Variants in KLHDC4 observed in about 807,000 individuals in gnomAD.
The protein encoded by KLHDC4 is kelch domain containing 4.
KLHDC4 carries 90 observed loss-of-function variants against 62.4 expected under a neutral mutation model. The ratio of observed to expected loss-of-function variants is 1.44; its 90% CI spans 1.22 to 1.72. The LOEUF is 1.72. KLHDC4 is among the 40% of genes most tolerant of loss of function. KLHDC4 has a pLI of 0.00. For synonymous variants in KLHDC4, 386 were observed against 284.4 expected, an observed-to-expected ratio of 1.36 and a Z score of -3.59; for missense variants, 1,025 against 699.7, an observed-to-expected ratio of 1.47 and a Z score of -5.25.
downstream of KLHDC4, among the ~76,000 whole-genome samples, chr16:87,706,706 G>C (rs2034776882): frequency 6.6e-6 from 1 of 152,234 alleles, no homozygotes; most frequent in Non-Finnish European, 1.5e-5. Context: ...GAGGCCTCCT[G>C]AACACCCGGC....
chr16:87,752,087 CTCAAAAAAAAAAAAAAA>C (rs1480627748), intron 4 of KLHDC4, among the ~76,000 whole-genome samples: 2 of 10,710 alleles, frequency 1.9e-4, no homozygotes, highest in African/African-American at 5.6e-4. Flanking sequence ...GAGACTTTGT[CTCAAAAAAAAAAAAAAA>C]AAAAAAAAAA....
rs1481475336 is a variant in KLHDC4, at chr16:87,749,925, G to C, written c.370-1116C>G. ...AATAAAGACTCAGCACCACAGTAAAGGTGAAGGAGCGCAGCGGGAGTGATG... is the reference window on the plus strand; with the variant it reads ...AATAAAGACTCAGCACCACAGTAAACGTGAAGGAGCGCAGCGGGAGTGATG... On this transcript the variant is annotated intron_variant, in intron 4 of 11. Coordinates refer to ENST00000270583, the MANE Select transcript of KLHDC4 (RefSeq NM_017566.4). Among the ~76,000 whole-genome samples, 2 of 152,234 alleles carry C rather than the reference G, an allele frequency of 1.3e-5. 1 individual carries two copies. Among genetic ancestry groups the C allele is most frequent in the Middle Eastern group, 6.3e-3 (2 of 316 alleles).
intron 4 of KLHDC4, among the ~76,000 whole-genome samples, chr16:87,752,027 T>C (rs1180912827): frequency 6.8e-5 from 9 of 131,856 alleles, no homozygotes; most frequent in African/African-American, 2.6e-4. Flanking sequence ...GAGGCGGAGG[T>C]TGCAGTGAGC....
rs753963965 is a variant in KLHDC4, at chr16:87,754,567, G to A, written c.369+627C>T. Among the ~76,000 whole-genome samples, 61 of 152,330 alleles carry A rather than the reference G, an allele frequency of 4.0e-4. 1 individual carries two copies. The highest frequency in any genetic ancestry group is 7.5e-4 in the Non-Finnish European group (51 of 68,032). On this transcript the variant is annotated intron_variant, in intron 4 of 11. Transcript: ENST00000270583. ...GTATCATGCTGTGGTCACCTGATGC[G>A]TTGATCTTTCTCTGCACTGGAGAGG...
At chr16:87,704,317 G>A (rs943159676), downstream of KLHDC4, among the ~76,000 whole-genome samples, 4 of 149,154 alleles carry the variant, frequency 2.7e-5, no homozygotes, top group Admixed American at 6.7e-5. Flanking sequence ...GGGGAAGGAG[G>A]CGCCTGGGGA....
intron 4 of KLHDC4, among the ~76,000 whole-genome samples, chr16:87,753,093 CA>C (rs1238890634): frequency 6.6e-6 from 1 of 152,136 alleles, no homozygotes; most frequent in Non-Finnish European, 1.5e-5. Flanking sequence ...GCTGAGGAGA[CA>C]AGGACTGGAG....
chr16:87,751,811 C>T (rs2043992661), intron 4 of KLHDC4, among the ~76,000 whole-genome samples: 2 of 151,974 alleles, frequency 1.3e-5, no homozygotes, highest in South Asian at 2.1e-4. Context: ...CGGTGGCTCA[C>T]GCCTGTAATC....
intron 2 of KLHDC4, among the ~76,000 whole-genome samples, chr16:87,756,958 T>G (rs1002058239): frequency 2.6e-5 from 4 of 151,824 alleles, no homozygotes; most frequent in Non-Finnish European, 4.4e-5. Context: ...GGATTGCAGG[T>G]GCCCACCACC....
rs758222426 is a variant in KLHDC4, at chr16:87,708,463, G to A, written c.1451C>T (p.Thr484Ile). 1.2e-6 allele frequency: 2 copies of A among 1,600,510 alleles called. No individual in the cohort carries two copies. The highest frequency in any genetic ancestry group is 1.7e-5 in the Admixed American group (1 of 58,004). Residue 484 changes from threonine (T) to isoleucine (I), a missense_variant, in exon 11 of 12, where the codon ACT (threonine) becomes ATT (isoleucine). By Grantham distance (89) the Thr-to-Ile change is moderately conservative. Coordinates refer to ENST00000270583, the MANE Select transcript of KLHDC4 (RefSeq NM_017566.4). ...WKALVEMDPE[T>I]QEWLEETDSE... ...GTCCGTCTCCTCCAGCCACTCCTGA[G>A]TTTCTTCAAAAGCAGAATGAACGCA...
chr16:87,765,270 G>A (rs1398249474), intron 1 of KLHDC4: 2 of 455,972 alleles, frequency 4.4e-6, no homozygotes, highest in African/African-American at 2.0e-5. Flanking sequence ...GATACCCCGT[G>A]GCTCCAGTGC....
Position 87,713,220 on chromosome 16 carries a change from GAC to G in KLHDC4, c.835+1276_835+1277del, listed in dbSNP as rs945109025. ...CTACATATTTTTTTTGTTTTTTTGAGACAGAGTCTCGCTCTGTCGCCCAGGCT... is the reference window on the plus strand; with the variant it reads ...CTACATATTTTTTTTGTTTTTTTGAGAGAGTCTCGCTCTGTCGCCCAGGCT... On this transcript the variant is annotated intron_variant, in intron 8 of 11. Transcript: ENST00000270583. 2.1e-3 allele frequency among the ~76,000 whole-genome samples: 326 copies of G among 151,704 alleles called. 4 individuals carry two copies. Among genetic ancestry groups the G allele is most frequent in the Admixed American group, 0.018 (277 of 15,256 alleles).
intron 7 of KLHDC4, among the ~76,000 whole-genome samples, chr16:87,724,927 G>A (rs974011401): frequency 5.3e-5 from 8 of 152,208 alleles, no homozygotes; most frequent in African/African-American, 1.9e-4. Flanking sequence ...TCCAAAGGCT[G>A]TGTCTTCTGA....
intron 6 of KLHDC4, 38 bp from the exon 7 acceptor site, chr16:87,726,962 T>C (rs374381016): frequency 7.4e-5 from 119 of 1,605,916 alleles, no homozygotes; most frequent in African/African-American, 5.6e-4. Context: ...GTCCGTAACA[T>C]TGGGAAAAGC....
At chr16:87,739,134 C>T (rs151055701) in intron 5 of KLHDC4, among the ~76,000 whole-genome samples, 7 of 84,002 alleles carry the variant, frequency 8.3e-5, no homozygotes, top group East Asian at 4.0e-4. Context: ...CACACCAGCA[C>T]CTCATCCATC....
At chr16:87,749,110 C>T (rs1056310377) in intron 4 of KLHDC4, among the ~76,000 whole-genome samples, 2 of 151,760 alleles carry the variant, frequency 1.3e-5, no homozygotes, top group Admixed American at 1.3e-4. Context: ...CAGCTAGTTA[C>T]TTCAAACATT....
chr16:87,734,206 G>A (rs573396934), intron 5 of KLHDC4, among the ~76,000 whole-genome samples: 5 of 152,146 alleles, frequency 3.3e-5, no homozygotes, highest in South Asian at 4.1e-4. Flanking sequence ...TTAGCTTGGC[G>A]TCGTGGAGGC....
chr16:87,756,480 A>G lies in KLHDC4; in HGVS notation c.192-3T>C, dbSNP rs746234924. The G allele has an allele frequency of 6.2e-7, 1 of 1,612,172 alleles. No individual in the cohort carries two copies. Among genetic ancestry groups the G allele is most frequent in the Non-Finnish European group, 8.5e-7 (1 of 1,178,330 alleles). On this transcript the variant is annotated splice_region_variant and splice_polypyrimidine_tract_variant and intron_variant, in intron 2 of 11. Coordinates refer to ENST00000270583, the MANE Select transcript of KLHDC4 (RefSeq NM_017566.4). ...GAACCGAGAGGGAGGCATTTAACCTACAAGACACACAAGCGGCAGGTCAGC... is the reference window on the plus strand; with the variant it reads ...GAACCGAGAGGGAGGCATTTAACCTGCAAGACACACAAGCGGCAGGTCAGC...
chr16:87,741,147 T>G (rs551106708), intron 5 of KLHDC4, among the ~76,000 whole-genome samples: 11 of 152,364 alleles, frequency 7.2e-5, no homozygotes, highest in African/African-American at 2.4e-4. Context: ...CATGATGTCC[T>G]GTCTGTTGCT....
chr16:87,750,148 T>A (rs2043699477), intron 4 of KLHDC4: 1 of 152,184 alleles, frequency 6.6e-6, no homozygotes, highest in African/African-American at 2.4e-5. Context: ...ACGGCACACA[T>A]CCATCTGTGG....
Sources: gnomAD v4.1 joint callset for allele counts (sites outside exome capture counted in the v4.1 genomes callset) on GRCh38, gnomAD v4.1.1 for gene constraint, MANE v1.5 for transcripts, NCBI Gene and HGNC (gene_info 2026-07-23, HGNC 2026-07-21) for gene names.